The following ARHGAP29 variants were observed in gnomAD, a reference collection of about 807,000 sequenced individuals.
ARHGAP29 encodes Rho GTPase activating protein 29.
A neutral mutation model predicts 122.6 loss-of-function variants in ARHGAP29; 43 were observed. That is an observed-to-expected ratio of 0.35 (90% CI 0.27 to 0.45). ARHGAP29 has a LOEUF of 0.45. ARHGAP29 is among the 20% of genes least tolerant of loss of function. The probability of loss-of-function intolerance (pLI) is 1.00; values close to 1 mark genes in which losing one functional copy is unlikely to be tolerated. For missense variants in ARHGAP29, 1,303 were observed against 1,477.2 expected, an observed-to-expected ratio of 0.88 and a Z score of 1.93; for synonymous variants, 506 against 497.1, an observed-to-expected ratio of 1.02 and a Z score of -0.24.
intron 1 of ARHGAP29, among the ~76,000 whole-genome samples, chr1:94,267,738 A>G (rs1253235738): frequency 2.6e-5 from 4 of 152,022 alleles, no homozygotes; most frequent in Non-Finnish European, 4.4e-5. Flanking sequence ...GGTAAATTAC[A>G]TAACTTTTCC....
intron 1 of ARHGAP29, among the ~76,000 whole-genome samples, chr1:94,274,716 G>A (rs189026103): frequency 1.6e-4 from 25 of 152,348 alleles, no homozygotes; most frequent in Non-Finnish European, 2.2e-4. Context: ...GCCTCTGGCA[G>A]TACAGGCCAA....
At chr1:94,248,651 G>T (rs1364824951) in intron 1 of ARHGAP29, among the ~76,000 whole-genome samples, 1 of 152,144 alleles carries the variant, frequency 6.6e-6, no homozygotes, top group Non-Finnish European at 1.5e-5. Context: ...ACCCTTCTTC[G>T]TTAGGAGAAA....
At chr1:94,279,947 G>A (rs1048596842), upstream of ARHGAP29, among the ~76,000 whole-genome samples, 2 of 151,724 alleles carry the variant, frequency 1.3e-5, no homozygotes, top group Non-Finnish European at 2.9e-5. Context: ...GCTAGTGCCC[G>A]CAAGTTGTTT....
intron 12 of ARHGAP29, among the ~76,000 whole-genome samples, chr1:94,197,796 T>A (rs1298219119): frequency 2.0e-5 from 3 of 152,178 alleles, no homozygotes; most frequent in Non-Finnish European, 4.4e-5. Flanking sequence ...AAATCTAACC[T>A]TTATTTATGA....
chr1:94,239,461 G>A (rs1001527521), upstream of ARHGAP29, among the ~76,000 whole-genome samples: 1 of 152,050 alleles, frequency 6.6e-6, no homozygotes, highest in African/African-American at 2.4e-5. Flanking sequence ...GGATGGAGGT[G>A]GGGGTGTGAC....
At chr1:94,262,343 G>A (rs1489826093) in intron 1 of ARHGAP29, among the ~76,000 whole-genome samples, 1 of 152,070 alleles carries the variant, frequency 6.6e-6, no homozygotes, top group African/African-American at 2.4e-5. Flanking sequence ...AGATATAGGA[G>A]AGGGAAAAGA....
chr1:94,313,762 G>T, the ARHGAP29 span, among the ~76,000 whole-genome samples: 8 of 152,188 alleles, frequency 5.3e-5, no homozygotes, highest in East Asian at 1.5e-3. Context: ...TTAAGAAACT[G>T]TGGCACATAT....
At chr1:94,270,166 C>G (rs1182893449) in intron 1 of ARHGAP29, among the ~76,000 whole-genome samples, 5 of 152,172 alleles carry the variant, frequency 3.3e-5, no homozygotes, top group Admixed American at 2.0e-4. Flanking sequence ...AGACCTTGGT[C>G]AGATACATAC....
the ARHGAP29 span, among the ~76,000 whole-genome samples, chr1:94,297,807 C>T: frequency 6.5e-4 from 99 of 152,216 alleles, no homozygotes; most frequent in African/African-American, 1.1e-3. Context: ...AGGCCTGGAA[C>T]GGCTGCAGCA....
chr1:94,189,046 C>T, intron 14 of ARHGAP29, 105 bp from the exon 15 acceptor site: 2 of 1,371,406 alleles, frequency 1.5e-6, no homozygotes, highest in Non-Finnish European at 1.0e-6. Context: ...TTAACAATAA[C>T]CAGTTATCAA....
chr1:94,181,329 C>T (rs1225064549), intron 19 of ARHGAP29, among the ~76,000 whole-genome samples: 7 of 152,064 alleles, frequency 4.6e-5, no homozygotes, highest in Admixed American at 4.6e-4. Context: ...AGCCTCTTCC[C>T]GAGAAGTCTC....
chr1:94,196,256 CTTTTTTTTT>C (rs917635883), intron 12 of ARHGAP29, among the ~76,000 whole-genome samples: 3 of 91,150 alleles, frequency 3.3e-5, no homozygotes, highest in Non-Finnish European at 5.8e-5. Context: ...CCGTGTTTTT[CTTTTTTTTT>C]TTTTTTTTTT....
intron 1 of ARHGAP29, among the ~76,000 whole-genome samples, chr1:94,269,505 G>T (rs1654907541): frequency 1.3e-5 from 2 of 152,136 alleles, no homozygotes; most frequent in Non-Finnish European, 2.9e-5. Context: ...CATCCATTTT[G>T]TCTGCTCTGA....
chr1:94,175,162 C>T, intron 22 of ARHGAP29, among the ~76,000 whole-genome samples: 1 of 152,124 alleles, frequency 6.6e-6, no homozygotes, highest in East Asian at 1.9e-4. Context: ...AGGATTTTGC[C>T]AACTCACTCA....
In ARHGAP29 at chr1:94,188,853, T is replaced by C; in HGVS notation, c.1665A>G (p.Ser555=). ...TAGATGTACCTGGACTTATAGATTC[T>C]GAATCCAGAGATCTAGATTCGCTGC... The part of the protein sequence containing the change: ...GGSSESRSLD[S]ESISPGDFHR... Residue 555 remains serine (S), a synonymous_variant, in exon 15 of 23, where the codon TCA becomes TCG. Transcript: ENST00000260526. The C allele has an allele frequency of 6.2e-7, 1 of 1,612,264 alleles. No individual in the cohort carries two copies. Among genetic ancestry groups the C allele is most frequent in the African/African-American group, 1.3e-5 (1 of 74,984 alleles).
In ARHGAP29 at chr1:94,174,242, G is replaced by T. The variant is rs753470857; in HGVS notation, c.3413C>A (p.Ala1138Glu). 2 of 1,614,218 alleles carry T rather than the reference G, an allele frequency of 1.2e-6. No homozygotes were observed. The highest frequency in any genetic ancestry group is 1.7e-6 in the Non-Finnish European group (2 of 1,180,032). ...YAEPVRSVRE[A>E]SERRSSDSYP... ...GGAATCTGAAGACCGTCTCTCAGAT[G>T]CCTCTCTCACTGACCTGACTGGCTC... is the stretch of plus-strand genomic sequence containing the variant. The change falls in exon 23 of 23, where the codon GCA becomes GAA. Residue 1138 changes from alanine to glutamate, a missense_variant. By Grantham distance (107) the Ala-to-Glu change is moderately radical (BLOSUM62 -1). Coordinates refer to ENST00000260526, the MANE Select transcript of ARHGAP29 (RefSeq NM_004815.4).
At chr1:94,238,217 C>T (rs1272232136), upstream of ARHGAP29, among the ~76,000 whole-genome samples, 1 of 151,752 alleles carries the variant, frequency 6.6e-6, no homozygotes, top group Non-Finnish European at 1.5e-5. Context: ...CCCATTACCA[C>T]GCCAAGCTAA....
rs767164876 is a variant in ARHGAP29 at position 94,174,695 on chromosome 1, T to C, written c.2960A>G (p.Glu987Gly). ...QEAESASQKI[E>G]DGKTPKPLSL... is the part of the protein sequence containing the mutation. ...AAGTGGCTTAGGGGTTTTACCATCTTCTATCTTTTGGGATGCTGATTCAGC... is the reference window on the plus strand; with the variant it reads ...AAGTGGCTTAGGGGTTTTACCATCTCCTATCTTTTGGGATGCTGATTCAGC... The change falls in exon 23 of 23, where the codon GAA becomes GGA. Residue 987 changes from glutamate (E) to glycine (G), a missense_variant. Transcript: ENST00000260526. 5 of 1,614,128 alleles carry C rather than the reference T, an allele frequency of 3.1e-6. No individual in the cohort carries two copies. The highest frequency in any genetic ancestry group is 2.5e-6 in the Non-Finnish European group (3 of 1,180,034).
At chr1:94,237,651 G>A (rs1398809108), upstream of ARHGAP29, 4 of 986,438 alleles carry the variant, frequency 4.1e-6, no homozygotes, top group Non-Finnish European at 4.8e-6. Context: ...CCGCCCCCTG[G>A]AGCCCAGCCC....
Sources: gnomAD v4.1 joint callset for allele counts (sites outside exome capture counted in the v4.1 genomes callset) on GRCh38, gnomAD v4.1.1 for gene constraint, MANE v1.5 for transcripts, NCBI Gene and HGNC (gene_info 2026-07-23, HGNC 2026-07-21) for gene names.